COL25A1: variants seen among roughly 807,000 people sequenced by gnomAD.
COL25A1 encodes collagen type XXV alpha 1 chain.
COL25A1 carries 103 observed loss-of-function variants against 128.4 expected under a neutral mutation model. The observed-to-expected ratio is 0.80, with a 90% CI of 0.68 to 0.94. COL25A1 has a LOEUF of 0.94. Among genes scored for constraint, COL25A1 ranks in the 40% least tolerant of loss-of-function variants. The pLI is 0.00. For synonymous variants in COL25A1, 279 were observed against 277.2 expected (o/e 1.01, Z -0.06); for missense variants, 745 against 840.0 (o/e 0.89, Z 1.40).
chr4:109,104,084 T>C (rs575472700), intron 3 of COL25A1, among the ~76,000 whole-genome samples: 1 of 152,218 alleles, frequency 6.6e-6, no homozygotes, highest in South Asian at 2.1e-4. Flanking sequence ...AGAAAATCAC[T>C]CTTTTTAGCC....
chr4:109,192,944 G>A lies in COL25A1; in HGVS notation c.367+107639C>T, dbSNP rs117449464. Reference sequence around the variant, plus strand: ...AGACACAGAGAGAGCATGGCCATCCGCAAGCCAACGAAAAAGATATCAGAA... The same window carrying A: ...AGACACAGAGAGAGCATGGCCATCCACAAGCCAACGAAAAAGATATCAGAA... On this transcript the variant is annotated intron_variant, in intron 3 of 37. Coordinates refer to ENST00000399132, the MANE Select transcript of COL25A1 (RefSeq NM_198721.4). 8.5e-3 allele frequency among the ~76,000 whole-genome samples: 1,293 copies of A among 152,012 alleles called. 58 individuals carry two copies. The South Asian group carries it at 0.14, about 16-fold the overall frequency.
chr4:109,017,563 CATG>C (rs1220315209), intron 5 of COL25A1, among the ~76,000 whole-genome samples: 3 of 152,212 alleles, frequency 2.0e-5, no homozygotes, highest in Non-Finnish European at 4.4e-5. Flanking sequence ...AGTTTCACTA[CATG>C]ATACTTTTTT....
chr4:108,816,618 T>C (rs1731275874), intron 37 of COL25A1, among the ~76,000 whole-genome samples: 1 of 152,188 alleles, frequency 6.6e-6, no homozygotes. Context: ...TTACTGTTGC[T>C]TTCCATTGTC....
chr4:109,265,179 T>A lies in COL25A1; in HGVS notation c.367+35404A>T, dbSNP rs369243860. 3.9e-5 allele frequency among the ~76,000 whole-genome samples: 6 copies of A among 152,148 alleles called. No individual in the cohort carries two copies. In the South Asian group the frequency reaches 8.3e-4, roughly 21 times the overall value. ...GATCATCCAGTATTTAATTAGAAAA[T>A]CCTCAAGTTTTCAGGGCAAACCGTG... On this transcript the variant is annotated intron_variant, in intron 3 of 37. Coordinates refer to ENST00000399132, the MANE Select transcript of COL25A1 (RefSeq NM_198721.4).
rs993010504 is a variant in COL25A1 at position 108,846,276 on chromosome 4, A to G, written c.1435-57T>C. On this transcript the variant is annotated intron_variant, in intron 27 of 37. Coordinates refer to ENST00000399132, the MANE Select transcript of COL25A1 (RefSeq NM_198721.4). ...CAGCATAATGACCCCCGATAATTACATCCTAGGGAAAACAGAATTCCGATC... is the reference window on the plus strand; with the variant it reads ...CAGCATAATGACCCCCGATAATTACGTCCTAGGGAAAACAGAATTCCGATC... 8 of 982,098 alleles carry G rather than the reference A, an allele frequency of 8.1e-6. No individual in the cohort carries two copies. In the African/African-American group the frequency reaches 9.1e-5, roughly 11 times the overall value. 60.8% of individuals were successfully genotyped at this position (982,098 alleles called of 1,614,324 possible). A position where few individuals can be genotyped will look rare whatever the true frequency, so the allele number is the denominator to read the frequency against.
At chr4:109,299,008 G>C (rs1399033551) in intron 3 of COL25A1, among the ~76,000 whole-genome samples, 1 of 152,198 alleles carries the variant, frequency 6.6e-6, no homozygotes, top group Non-Finnish European at 1.5e-5. Flanking sequence ...TTAGACTTCA[G>C]TAGCTAGCCT....
intron 3 of COL25A1, among the ~76,000 whole-genome samples, chr4:109,124,804 T>C (rs573588347): frequency 9.9e-5 from 15 of 152,016 alleles, no homozygotes; most frequent in African/African-American, 3.1e-4. Flanking sequence ...CTTAAAAAAA[T>C]CACACATTTA....
At chr4:109,160,599 G>C (rs1000946064) in intron 3 of COL25A1, among the ~76,000 whole-genome samples, 5 of 152,088 alleles carry the variant, frequency 3.3e-5, no homozygotes, top group Non-Finnish European at 7.4e-5. Flanking sequence ...TTGGGAACGG[G>C]CTCTGTCCAT....
chr4:109,175,323 G>T (rs2126136835), intron 3 of COL25A1, among the ~76,000 whole-genome samples: 1 of 152,252 alleles, frequency 6.6e-6, no homozygotes, highest in African/African-American at 2.4e-5. Context: ...AATATATTTT[G>T]ATTTGAACAC....
At chr4:109,220,474 A>C (rs60442740) in intron 3 of COL25A1, among the ~76,000 whole-genome samples, 238 of 152,328 alleles carry the variant, frequency 1.6e-3, no homozygotes, top group African/African-American at 5.1e-3. Context: ...TGGTTCCCCC[A>C]TGGAATGCAG....
chr4:109,247,532 C>T (rs941709437), intron 3 of COL25A1, among the ~76,000 whole-genome samples: 1 of 152,118 alleles, frequency 6.6e-6, no homozygotes, highest in Non-Finnish European at 1.5e-5. Flanking sequence ...AATTAGGGAA[C>T]ATGTAATATT....
At chr4:109,130,285 AAC>A (rs552987817) in intron 3 of COL25A1, among the ~76,000 whole-genome samples, 16 of 152,226 alleles carry the variant, frequency 1.1e-4, no homozygotes, top group Non-Finnish European at 2.2e-4. Context: ...TCTACATTAT[AAC>A]AGACAGTAAA....
chr4:109,158,127 T>C (rs1772212329), intron 3 of COL25A1, among the ~76,000 whole-genome samples: 1 of 152,244 alleles, frequency 6.6e-6, no homozygotes, highest in Non-Finnish European at 1.5e-5. Flanking sequence ...TTTATACATA[T>C]ATTCTACTTT....
At chr4:109,142,735 C>CT (rs973817703) in intron 3 of COL25A1, among the ~76,000 whole-genome samples, 18 of 150,300 alleles carry the variant, frequency 1.2e-4, no homozygotes, top group South Asian at 8.5e-4. Context: ...GCAATCCCTG[C>CT]TTTTTTTTTG....
intron 3 of COL25A1, among the ~76,000 whole-genome samples, chr4:109,241,720 A>C (rs769214337): frequency 6.6e-5 from 10 of 151,908 alleles, no homozygotes; most frequent in Non-Finnish European, 1.5e-4. Context: ...GTCCTTTTTG[A>C]GCTTACAGAT....
chr4:109,276,546 G>A (rs1035345535), intron 3 of COL25A1, among the ~76,000 whole-genome samples: 3 of 152,030 alleles, frequency 2.0e-5, no homozygotes, highest in African/African-American at 7.2e-5. Flanking sequence ...TCAACTTACT[G>A]AGCAGAAGAG....
chr4:109,211,823 G>A (rs1291090998), intron 3 of COL25A1, among the ~76,000 whole-genome samples: 1 of 151,964 alleles, frequency 6.6e-6, no homozygotes, highest in Non-Finnish European at 1.5e-5. Flanking sequence ...ACCTGCTATG[G>A]TCTGTTCAGA....
At position 109,015,782 on chromosome 4, in the gene COL25A1, A is replaced by T. The variant is rs187667529; in HGVS notation, c.421-5407T>A. Reference sequence around the variant, plus strand: ...GGTTGAAAGTTTGGCAATGCAAGTAAGCCACAATGGAACATGATAAATGAG... The same window carrying T: ...GGTTGAAAGTTTGGCAATGCAAGTATGCCACAATGGAACATGATAAATGAG... On this transcript the variant is annotated intron_variant, in intron 5 of 37. Coordinates refer to ENST00000399132, the MANE Select transcript of COL25A1 (RefSeq NM_198721.4). Among the ~76,000 whole-genome samples the T allele has an allele frequency of 2.6e-5, 4 of 152,392 alleles. No individual in the cohort carries two copies. In the East Asian group the frequency reaches 7.7e-4, roughly 29 times the overall value.
intron 3 of COL25A1, among the ~76,000 whole-genome samples, chr4:109,168,113 T>C (rs1258110609): frequency 6.6e-6 from 1 of 152,184 alleles, no homozygotes; most frequent in Admixed American, 6.5e-5. Context: ...TTGTTTCTTC[T>C]GAACAAGGTT....
Sources: gnomAD v4.1 joint callset for allele counts (sites outside exome capture counted in the v4.1 genomes callset) on GRCh38, gnomAD v4.1.1 for gene constraint, MANE v1.5 for transcripts, NCBI Gene and HGNC (gene_info 2026-07-23, HGNC 2026-07-21) for gene names.